The following BCL2L11 variants were observed in gnomAD, a reference collection of about 807,000 sequenced individuals.
BCL2L11 encodes the protein BCL2 like 11, also known as bcl-2-like protein 11.
Under a neutral mutation model 20.6 loss-of-function variants are expected in BCL2L11, and 15 were observed. The ratio of observed to expected loss-of-function variants is 0.73; its 90% CI spans 0.49 to 1.12. BCL2L11 has a LOEUF of 1.12. Among genes scored for constraint, BCL2L11 ranks in the 50% most tolerant of loss-of-function variants. BCL2L11 has a pLI of 0.00. For synonymous variants in BCL2L11, 108 were observed against 92.8 expected (o/e 1.16, Z -0.94); for missense variants, 292 against 260.9 (o/e 1.12, Z -0.82).
chr2:111,125,428 T>C (rs1456698689), intron 2 of BCL2L11, among the ~76,000 whole-genome samples: 1 of 152,078 alleles, frequency 6.6e-6, no homozygotes, highest in African/African-American at 2.4e-5. Flanking sequence ...TAGCTTGCCA[T>C]ACATGAACAA....
At chr2:111,132,957 C>G (rs2074221980) in intron 2 of BCL2L11, among the ~76,000 whole-genome samples, 1 of 152,152 alleles carries the variant, frequency 6.6e-6, no homozygotes, top group Non-Finnish European at 1.5e-5. Context: ...TCTCCAATTG[C>G]ATATAGAACA....
rs2079116670 is a variant in BCL2L11 at position 111,168,172 on chromosome 2, AT to A, written c.*3943del. The A allele has an allele frequency of 2.6e-5, 4 of 152,748 alleles. No individual in the cohort carries two copies. The highest frequency in any genetic ancestry group is 9.6e-5 in the African/African-American group (4 of 41,566). 9.5% of individuals were successfully genotyped at this position (152,748 alleles called of 1,614,324 possible). A position where few individuals can be genotyped will look rare whatever the true frequency, so the allele number is the denominator to read the frequency against. ...AAGCTCTCTTATGTTTTATGTCCAGATTCTGTGACCACTAGTTACTGTATCA... is the reference window on the plus strand; with the variant it reads ...AAGCTCTCTTATGTTTTATGTCCAGATCTGTGACCACTAGTTACTGTATCA... On this transcript the variant is annotated 3_prime_UTR_variant, in exon 4 of 4. Coordinates refer to ENST00000393256, the MANE Select transcript of BCL2L11 (RefSeq NM_138621.5).
In BCL2L11 at chr2:111,123,932, C is replaced by T. The variant is rs1386206200; in HGVS notation, c.187C>T (p.Pro63Ser). The T allele has an allele frequency of 6.2e-7, 1 of 1,614,038 alleles. No individual in the cohort carries two copies. The highest frequency in any genetic ancestry group is 1.7e-5 in the Admixed American group (1 of 60,024). ...DSCPHGSPQG[P>S]LAPPASPGPF... ...CTGCCCCCACGGCAGCCCTCAGGGC[C>T]CGCTGGCCCCACCTGCCAGCCCTGG... is the stretch of plus-strand genomic sequence containing the variant. Residue 63 changes from proline to serine, a missense_variant, in exon 2 of 4, where the codon CCG (proline) becomes TCG (serine). Physicochemically the swap from Pro to Ser is moderately conservative, Grantham distance 74 (BLOSUM62 -1). Transcript: ENST00000393256.
chr2:111,164,482 C>G lies in BCL2L11; in HGVS notation c.*251C>G, dbSNP rs572614693. 7 of 352,356 alleles carry G rather than the reference C, an allele frequency of 2.0e-5. No individual in the cohort carries two copies. The highest frequency in any genetic ancestry group is 3.6e-5 in the Non-Finnish European group (7 of 193,296). 21.8% of individuals were successfully genotyped at this position (352,356 alleles called of 1,614,324 possible). ...CATTCTTTGCTTTTTAATATACAAA[C>G]CATGGTTTTTTGGAGCAGGATTTTG... is the stretch of plus-strand genomic sequence containing the variant. On this transcript the variant is annotated 3_prime_UTR_variant, in exon 4 of 4. Transcript: ENST00000393256.
intron 2 of BCL2L11, among the ~76,000 whole-genome samples, chr2:111,124,517 C>T (rs527642396): frequency 6.6e-6 from 1 of 152,282 alleles, no homozygotes; most frequent in East Asian, 1.9e-4. Context: ...GTCTCAATCT[C>T]CTGACCTTGT....
rs1194994031 is a variant in BCL2L11 at position 111,164,819 on chromosome 2, T to C, written c.*588T>C. On this transcript the variant is annotated 3_prime_UTR_variant, in exon 4 of 4. Transcript: ENST00000393256. ...TTATTTTTAATACCAAAAGAGTTCT[T>C]TTGAAATGGAACTGATTAAAAGGGC... 6.5e-6 allele frequency: 1 copy of C among 152,790 alleles called. No homozygotes were observed. Among genetic ancestry groups the C allele is most frequent in the Non-Finnish European group, 1.5e-5 (1 of 68,120 alleles). 9.5% of individuals were successfully genotyped at this position (152,790 alleles called of 1,614,324 possible).
intron 3 of BCL2L11, among the ~76,000 whole-genome samples, chr2:111,157,558 T>C (rs2078017223): frequency 6.6e-6 from 1 of 152,128 alleles, no homozygotes; most frequent in African/African-American, 2.4e-5. Context: ...ACAGTGACGA[T>C]TTCAGAAGTG....
intron 1 of BCL2L11, chr2:111,122,933 G>T: frequency 2.0e-6 from 2 of 985,472 alleles, no homozygotes; most frequent in South Asian, 9.4e-5. Context: ...CGTGAGTTTC[G>T]GTGTGATTGC....
chr2:111,161,553 G>A, intron 3 of BCL2L11: 1 of 1,541,758 alleles, frequency 6.5e-7, no homozygotes, highest in Non-Finnish European at 8.7e-7. Context: ...GCTTATGGGT[G>A]TGTTTATTGT....
chr2:111,163,525 C>CA, intron 3 of BCL2L11: 1 of 152,550 alleles, frequency 6.6e-6, no homozygotes, highest in Middle Eastern at 3.4e-3. Flanking sequence ...GTCACTGACA[C>CA]AGAGACTTTT....
In BCL2L11 at chr2:111,151,609, T is replaced by C. The variant is rs72948353; in HGVS notation, c.498+1462T>C. ...TTTTCTGCCTTTATACAATGTGTTT[T>C]AGGCTTCTTTTAGACAAATAGACAT... On this transcript the variant is annotated intron_variant, in intron 3 of 3. Transcript: ENST00000393256. 4.8e-3 allele frequency among the ~76,000 whole-genome samples: 738 copies of C among 152,346 alleles called. 5 individuals carry two copies. Among genetic ancestry groups the C allele is most frequent in the African/African-American group, 0.017 (710 of 41,578 alleles).
At chr2:111,164,095 T>TG in intron 3 of BCL2L11, 38 bp from the exon 4 acceptor site, 1 of 805,848 alleles carries the variant, frequency 1.2e-6, no homozygotes, top group East Asian at 3.7e-5. Flanking sequence ...ACCCCCAAAT[T>TG]AGGGAGAAAC....
chr2:111,159,162 A>T (rs6743346), intron 3 of BCL2L11, among the ~76,000 whole-genome samples: 2,462 of 152,270 alleles, frequency 0.016, 64 homozygotes, highest in African/African-American at 0.055. Context: ...GCACAGGCAC[A>T]GGGTGTGCGA....
rs117845959 is a variant in BCL2L11, at chr2:111,133,365, G to A, written c.394+9226G>A. 1.1e-3 allele frequency among the ~76,000 whole-genome samples: 160 copies of A among 152,222 alleles called. No individual in the cohort carries two copies. In the East Asian group the frequency reaches 0.029, roughly 28 times the overall value. On this transcript the variant is annotated intron_variant, in intron 2 of 3. Coordinates refer to ENST00000393256, the MANE Select transcript of BCL2L11 (RefSeq NM_138621.5). The stretch of plus-strand genomic sequence containing the variant: ...TTTCTAATGTACGCATTTATTCAGC[G>A]CTAGAAATTTCCTTTCCACCACTGC...
chr2:111,144,412 A>G (rs1206142927), intron 2 of BCL2L11: 14 of 1,465,474 alleles, frequency 9.6e-6, no homozygotes, highest in Non-Finnish European at 1.2e-5. Flanking sequence ...GAACCGTCAG[A>G]GTTGAGGATT....
In BCL2L11 at chr2:111,166,323, C is replaced by G. The variant is rs2079018624; in HGVS notation, c.*2092C>G. On this transcript the variant is annotated 3_prime_UTR_variant, in exon 4 of 4. Coordinates refer to ENST00000393256, the MANE Select transcript of BCL2L11 (RefSeq NM_138621.5). ...CACGGGAGGCCCTGCCCTGTGCTGC[C>G]CAGGGGCTGTGTGCACCACATGAGC... 1 of 152,698 alleles carries G rather than the reference C, an allele frequency of 6.5e-6. No individual in the cohort carries two copies. The highest frequency in any genetic ancestry group is 1.5e-5 in the Non-Finnish European group (1 of 68,048). 9.5% of individuals were successfully genotyped at this position (152,698 alleles called of 1,614,324 possible). A position where few individuals can be genotyped will look rare whatever the true frequency, so the allele number is the denominator to read the frequency against.
At position 111,149,947 on chromosome 2, in the gene BCL2L11, G is replaced by A. The variant is rs1168766218; in HGVS notation, c.395-97G>A. 14 of 963,186 alleles carry A rather than the reference G, an allele frequency of 1.5e-5. No homozygotes were observed. The Admixed American group carries it at 1.9e-4, about 13-fold the overall frequency. 59.7% of individuals were successfully genotyped at this position (963,186 alleles called of 1,614,324 possible). A position where few individuals can be genotyped will look rare whatever the true frequency, so the allele number is the denominator to read the frequency against. ...GGAGCTCCCAGAAATGTGAAAGAGT[G>A]TGTGAGATGGGCTTGCCTCTAGAGA... On this transcript the variant is annotated intron_variant, in intron 2 of 3. Transcript: ENST00000393256.
chr2:111,137,463 C>G (rs2075096506), intron 2 of BCL2L11, among the ~76,000 whole-genome samples: 1 of 152,172 alleles, frequency 6.6e-6, no homozygotes, highest in South Asian at 2.1e-4. Context: ...ATGGCTGAGA[C>G]TTGTGCTGGG....
chr2:111,127,497 T>G (rs2072924678), intron 2 of BCL2L11, among the ~76,000 whole-genome samples: 1 of 151,128 alleles, frequency 6.6e-6, no homozygotes, highest in Non-Finnish European at 1.5e-5. Context: ...CCTCCTTTAG[T>G]TTGTGAGCTC....
Sources: allele counts gnomAD v4.1 joint callset (sites outside exome capture counted in the v4.1 genomes callset), GRCh38; gene constraint gnomAD v4.1.1; transcripts MANE v1.5; gene names NCBI Gene and HGNC (gene_info 2026-07-23, HGNC 2026-07-21).